The following TMEM64 variants were observed in gnomAD, a reference collection of about 807,000 sequenced individuals.
The protein encoded by TMEM64 is transmembrane protein 64.
Under a neutral mutation model 24.5 loss-of-function variants are expected in TMEM64, and 19 were observed. That is an observed-to-expected ratio of 0.78 (90% CI 0.54 to 1.14). The LOEUF is 1.14. Among genes scored for constraint, TMEM64 ranks in the 50% most tolerant of loss-of-function variants. TMEM64 has a pLI of 0.00. For missense variants in TMEM64, 487 were observed against 493.0 expected (o/e 0.99, Z 0.12); for synonymous variants, 262 against 224.7 (o/e 1.17, Z -1.49).
chr8:90,628,565 C>T (rs1288611425), intron 2 of TMEM64, among the ~76,000 whole-genome samples: 5 of 152,148 alleles, frequency 3.3e-5, no homozygotes, highest in Admixed American at 1.3e-4. Flanking sequence ...TGTCTGGTTA[C>T]ATGACTTCCC....
At chr8:90,635,367 C>A (rs1408752966) in intron 1 of TMEM64, among the ~76,000 whole-genome samples, 2 of 149,222 alleles carry the variant, frequency 1.3e-5, no homozygotes, top group Non-Finnish European at 3.0e-5. Context: ...GCTTCCAAAT[C>A]ATTTTATTTT....
chr8:90,631,417 GTAATGAAAGAACCAAGAAAAAAA>G, intron 2 of TMEM64, 112 bp downstream of exon 2: 1 of 661,918 alleles, frequency 1.5e-6, no homozygotes, highest in Non-Finnish European at 2.3e-6. Context: ...ATATGTAGTA[GTAATGAAAGAACCAAGAAAAAAA>G]TCTAAAATGG....
rs113917079 is a variant in TMEM64 at position 90,644,937 on chromosome 8, G to C, written c.795+174C>G. 3.9e-5 allele frequency among the ~76,000 whole-genome samples: 6 copies of C among 152,264 alleles called. No homozygotes were observed. The South Asian group carries it at 6.2e-4, about 16-fold the overall frequency. On this transcript the variant is annotated intron_variant, in intron 1 of 2. Coordinates refer to ENST00000458549, the MANE Select transcript of TMEM64 (RefSeq NM_001008495.4). ...ACTCTCTTTCGAGGCTCCGCGTTAG[G>C]TATGTTTTATGTGTAGGACAGACTT...
intron 1 of TMEM64, among the ~76,000 whole-genome samples, chr8:90,641,129 G>A (rs886406372): frequency 6.6e-6 from 1 of 152,160 alleles, no homozygotes; most frequent in African/African-American, 2.4e-5. Context: ...TAGCTGTTTT[G>A]TTGGTGTGAC....
chr8:90,632,374 G>C (rs1331626610), intron 1 of TMEM64, among the ~76,000 whole-genome samples: 1 of 152,124 alleles, frequency 6.6e-6, no homozygotes, highest in Non-Finnish European at 1.5e-5. Flanking sequence ...CCAGGTTGGA[G>C]TGCAGTGGCC....
At chr8:90,635,208 T>C (rs1456786682) in intron 1 of TMEM64, among the ~76,000 whole-genome samples, 6 of 151,882 alleles carry the variant, frequency 4.0e-5, no homozygotes, top group African/African-American at 1.5e-4. Flanking sequence ...GGATGAAAAT[T>C]AGTTGTAGAA....
intron 1 of TMEM64, among the ~76,000 whole-genome samples, chr8:90,640,748 G>A (rs1586131134): frequency 6.6e-6 from 1 of 152,174 alleles, no homozygotes; most frequent in African/African-American, 2.4e-5. Flanking sequence ...CTTGAGAACA[G>A]TTATATCTGC....
At chr8:90,638,590 C>T (rs17643634) in intron 1 of TMEM64, among the ~76,000 whole-genome samples, 16,845 of 152,184 alleles carry the variant, frequency 0.11, 1,214 homozygotes, top group Non-Finnish European at 0.16. Context: ...AGGGATCTGT[C>T]GTTCTTGGTC....
Position 90,645,351 on chromosome 8 carries a change from A to G in TMEM64, c.555T>C (p.Ala185=). ...GWGYIVLNVA[A]GYLYGFVLGM... ...CCAGCACGAAGCCGTACAGGTAGCC[A>G]GCGGCCACGTTGAGCACGATGTAGC... Residue 185 remains alanine (A), a synonymous_variant, in exon 1 of 3, where the codon GCT becomes GCC. Coordinates refer to ENST00000458549, the MANE Select transcript of TMEM64 (RefSeq NM_001008495.4). The surrounding 1 kb of genome is among the most constrained non-coding windows in gnomAD (Gnocchi z 4.2). 1 of 1,554,160 alleles carries G rather than the reference A, an allele frequency of 6.4e-7. No homozygotes were observed. The highest frequency in any genetic ancestry group is 8.7e-7 in the Non-Finnish European group (1 of 1,148,348).
At chr8:90,628,488 G>C (rs1809393275) in intron 2 of TMEM64, among the ~76,000 whole-genome samples, 1 of 152,204 alleles carries the variant, frequency 6.6e-6, no homozygotes, top group Non-Finnish European at 1.5e-5. Context: ...ACAAAGGAGA[G>C]AGATGGGATG....
intron 2 of TMEM64, among the ~76,000 whole-genome samples, chr8:90,626,264 A>T (rs192544490): frequency 6.6e-6 from 1 of 152,352 alleles, no homozygotes; most frequent in Admixed American, 6.5e-5. Context: ...AAATGTCCAT[A>T]GGTATTTCTA....
rs1426835323 is a variant in TMEM64 at position 90,624,411 on chromosome 8, TAAG to T, written c.*1257_*1259del. The stretch of plus-strand genomic sequence containing the variant: ...AACCTCATTTGTAAAAAAAAATCAT[TAAG>T]TTTATAAACTATTTTAAAAATAAAA... On this transcript the variant is annotated 3_prime_UTR_variant, in exon 3 of 3. Transcript: ENST00000458549. The T allele has an allele frequency of 1.3e-5, 2 of 152,144 alleles. No homozygotes were observed. The highest frequency in any genetic ancestry group is 2.9e-5 in the Non-Finnish European group (2 of 67,912). 9.4% of individuals were successfully genotyped at this position (152,144 alleles called of 1,614,324 possible). A position where few individuals can be genotyped will look rare whatever the true frequency, so the allele number is the denominator to read the frequency against.
intron 1 of TMEM64, among the ~76,000 whole-genome samples, chr8:90,640,436 T>C (rs1056600214): frequency 1.3e-5 from 2 of 152,210 alleles, no homozygotes; most frequent in African/African-American, 4.8e-5. Flanking sequence ...AAAGGTAATG[T>C]TACACTGTTG....
At chr8:90,644,999 G>T in intron 1 of TMEM64, 112 bp downstream of exon 1, 1 of 1,186,222 alleles carries the variant, frequency 8.4e-7, no homozygotes, top group Non-Finnish European at 1.2e-6. Context: ...AACTCCTGCC[G>T]TCAATGTCAC....
intron 1 of TMEM64, among the ~76,000 whole-genome samples, chr8:90,632,488 A>G (rs187575590): frequency 0.012 from 1,833 of 152,138 alleles, 31 homozygotes; most frequent in African/African-American, 0.041. Flanking sequence ...ATGCCCGGCT[A>G]ATTTTTTGTA....
At chr8:90,639,401 T>C (rs925454198) in intron 1 of TMEM64, among the ~76,000 whole-genome samples, 2 of 151,946 alleles carry the variant, frequency 1.3e-5, no homozygotes, top group African/African-American at 4.8e-5. Context: ...CACAGAGGCC[T>C]TGAATCTTCT....
chr8:90,628,510 C>T (rs943148180), intron 2 of TMEM64, among the ~76,000 whole-genome samples: 2 of 152,002 alleles, frequency 1.3e-5, no homozygotes, highest in Admixed American at 1.3e-4. Context: ...GGGGCAGTGT[C>T]GAGAAACTAG....
rs1477651566 is a variant in TMEM64, at chr8:90,645,529, A to AGG, written c.376_377insCC (p.Val126AlafsTer73). ...GAAGCACAGGGCGGCCAACACGCAG[A>AGG]CCAGCACGAGGCTCCGGCACCAACA... On this transcript the variant is annotated frameshift_variant, in exon 1 of 3. Coordinates refer to ENST00000458549, the MANE Select transcript of TMEM64 (RefSeq NM_001008495.4). LOFTEE classifies it high-confidence loss of function. The surrounding 1 kb of genome is among the most constrained non-coding windows in gnomAD (Gnocchi z 4.2). The AGG allele has an allele frequency of 1.3e-6, 2 of 1,549,340 alleles. No homozygotes were observed. Among genetic ancestry groups the AGG allele is most frequent in the Admixed American group, 3.9e-5 (2 of 51,006 alleles).
Position 90,645,738 on chromosome 8 carries a change from C to G in TMEM64, c.168G>C (p.Ala56=). The G allele has an allele frequency of 8.8e-7, 1 of 1,130,434 alleles. No homozygotes were observed. Among genetic ancestry groups the G allele is most frequent in the South Asian group, 4.3e-5 (1 of 23,498 alleles). 70.0% of individuals were successfully genotyped at this position (1,130,434 alleles called of 1,614,324 possible). Residue 56 remains alanine (A), a synonymous_variant, in exon 1 of 3, where the codon GCG becomes GCC. Transcript: ENST00000458549. The surrounding 1 kb of genome is among the most constrained non-coding windows in gnomAD (Gnocchi z 4.2). The part of the protein sequence containing the change: ...LPRGGGASAA[A]AAAAASGALL... ...GGGCGCCCGAGGCCGCCGCTGCTGC[C>G]GCCGCCGCGCTCGCCCCGCCCCCGC...
Sources: allele counts gnomAD v4.1 joint callset (sites outside exome capture counted in the v4.1 genomes callset), GRCh38; gene constraint gnomAD v4.1.1; non-coding constraint Gnocchi (gnomAD v3.1); transcripts MANE v1.5; gene names NCBI Gene and HGNC (gene_info 2026-07-23, HGNC 2026-07-21).